Variants in CHL1 observed in about 807,000 individuals in gnomAD.
CHL1 encodes the protein neural cell adhesion molecule L1-like protein.
Under a neutral mutation model 141.9 loss-of-function variants are expected in CHL1, and 96 were observed. That is an observed-to-expected ratio of 0.68 (90% CI 0.57 to 0.80). The LOEUF (loss-of-function observed/expected upper bound fraction) is 0.80. CHL1 is among the 30% of genes least tolerant of loss of function. CHL1 has a pLI of 0.00. For missense variants in CHL1, 1,820 were observed against 1,457.2 expected (o/e 1.25, Z -4.05); for synonymous variants, 613 against 502.2 (o/e 1.22, Z -2.95).
intron 3 of CHL1, among the ~76,000 whole-genome samples, chr3:322,653 T>TATATATATAATTATATATATATATATAAA (rs1559252798): frequency 8.6e-5 from 9 of 104,562 alleles, no homozygotes; most frequent in South Asian, 3.8e-4. Flanking sequence ...AAAATATATA[T>TATATATATAATTATATATATATATATAAA]ATATATATAT....
chr3:233,163 C>T (rs904380439), intron 1 of CHL1, among the ~76,000 whole-genome samples: 5 of 152,128 alleles, frequency 3.3e-5, no homozygotes, highest in African/African-American at 9.7e-5. Flanking sequence ...TGGTCTTTTA[C>T]AAGATAAAGT....
intron 2 of CHL1, among the ~76,000 whole-genome samples, chr3:314,309 TTCTC>T (rs779919756): frequency 1.1e-4 from 11 of 98,206 alleles, no homozygotes; most frequent in Admixed American, 4.7e-4. Context: ...CTCTCTCTCT[TTCTC>T]TCTCTCTCTC....
At position 398,385 on chromosome 3, in the gene CHL1, G is replaced by T; in HGVS notation, c.3253G>T (p.Glu1085Ter). Residue 1085 changes from glutamate to a stop codon, truncating the protein, a stop_gained and splice_region_variant, in exon 25 of 28, where the codon GAA (glutamate) becomes TAA (stop). Coordinates refer to ENST00000256509, the MANE Select transcript of CHL1 (RefSeq NM_006614.4). LOFTEE classifies it high-confidence loss of function. Reference sequence around the variant, plus strand: ...AGATGTAATTGAGACAAGAGGGAGAGGTGAGAAATGAGATTATATTTGGGG... The same window carrying T: ...AGATGTAATTGAGACAAGAGGGAGATGTGAGAAATGAGATTATATTTGGGG... ...FQDVIETRGR[E>*]YAGLYDDIST... 6.3e-7 allele frequency: 1 copy of T among 1,588,866 alleles called. No individual in the cohort carries two copies.
rs555461876 is a variant in CHL1, at chr3:404,194, C to T, written c.3459-1301C>T. Among the ~76,000 whole-genome samples, 67 of 152,218 alleles carry T rather than the reference C, an allele frequency of 4.4e-4. 1 individual carries two copies. In the South Asian group the frequency reaches 0.012, roughly 27 times the overall value. ...GAGCACTGGCTTTAAATCTTTGGCT[C>T]GGAAGAGACACATGTCACCTTTGCT... On this transcript the variant is annotated intron_variant, in intron 27 of 27. Transcript: ENST00000256509.
intron 2 of CHL1, among the ~76,000 whole-genome samples, chr3:298,595 A>G (rs1337938779): frequency 6.6e-6 from 1 of 152,192 alleles, no homozygotes; most frequent in South Asian, 2.1e-4. Context: ...TGAGCATTTG[A>G]TAGATAGGGA....
chr3:209,874 G>T (rs1269725543), intron 1 of CHL1, among the ~76,000 whole-genome samples: 1 of 152,168 alleles, frequency 6.6e-6, no homozygotes, highest in African/African-American at 2.4e-5. Flanking sequence ...ATTTTGTATT[G>T]CCCATTCCAA....
intron 2 of CHL1, among the ~76,000 whole-genome samples, chr3:253,626 A>G (rs1482731930): frequency 6.6e-6 from 1 of 152,206 alleles, no homozygotes; most frequent in Admixed American, 6.6e-5. Context: ...TTTGTCTTCA[A>G]GTTAACATGT....
At chr3:381,804 A>G (rs1707075058) in intron 16 of CHL1, among the ~76,000 whole-genome samples, 1 of 152,132 alleles carries the variant, frequency 6.6e-6, no homozygotes, top group African/African-American at 2.4e-5. Context: ...TGAGGTCTCC[A>G]TGCCAGCAAA....
chr3:344,492 C>T (rs902055153), intron 8 of CHL1, 97 bp from the exon 9 acceptor site: 14 of 824,088 alleles, frequency 1.7e-5, no homozygotes, highest in Admixed American at 2.3e-5. Flanking sequence ...CACACACACT[C>T]GTGTGTCGGA....
intron 25 of CHL1, 148 bp from the exon 26 acceptor site, chr3:398,869 T>C: frequency 3.2e-6 from 2 of 616,678 alleles, no homozygotes; most frequent in South Asian, 5.2e-5. Context: ...CCCATTAACA[T>C]GTCCTTCAAA....
At chr3:387,743 C>T (rs1457307517) in intron 19 of CHL1, among the ~76,000 whole-genome samples, 1 of 152,146 alleles carries the variant, frequency 6.6e-6, no homozygotes, top group Non-Finnish European at 1.5e-5. Context: ...GAATTTATAT[C>T]CATTTCACAC....
Position 312,424 on chromosome 3 carries a change from G to A in CHL1, c.-94-7259G>A, listed in dbSNP as rs114120421. ...TAAAAGCCATTAACAGTTATTTCAG[G>A]ATTACTGTGTTTATGACACTTGTAA... is the stretch of plus-strand genomic sequence containing the variant. On this transcript the variant is annotated intron_variant, in intron 2 of 27. Transcript: ENST00000256509. Among the ~76,000 whole-genome samples, 307 of 152,280 alleles carry A rather than the reference G, an allele frequency of 2.0e-3. 1 individual carries two copies. The highest frequency in any genetic ancestry group is 7.0e-3 in the African/African-American group (290 of 41,562).
intron 5 of CHL1, among the ~76,000 whole-genome samples, chr3:328,790 T>C (rs1265360398): frequency 6.6e-6 from 1 of 152,164 alleles, no homozygotes; most frequent in Non-Finnish European, 1.5e-5. Context: ...CGTCATTCTG[T>C]GGTTGCCTCT....
At chr3:399,595 A>G (rs571332213) in intron 26 of CHL1, among the ~76,000 whole-genome samples, 5 of 152,282 alleles carry the variant, frequency 3.3e-5, no homozygotes, top group Non-Finnish European at 7.4e-5. Flanking sequence ...AGCTGAGATC[A>G]TGCCACTGTA....
At chr3:305,462 A>G (rs1434388810) in intron 2 of CHL1, among the ~76,000 whole-genome samples, 2 of 152,010 alleles carry the variant, frequency 1.3e-5, no homozygotes, top group African/African-American at 4.8e-5. Flanking sequence ...GCCCTATTAT[A>G]ACTTTATAGC....
chr3:290,121 T>C (rs1282732020), intron 2 of CHL1, among the ~76,000 whole-genome samples: 2 of 152,070 alleles, frequency 1.3e-5, no homozygotes, highest in African/African-American at 4.8e-5. Context: ...GGAGCACTTC[T>C]GCATTATTTT....
chr3:339,839 A>C (rs903859216), intron 5 of CHL1, among the ~76,000 whole-genome samples: 2 of 152,224 alleles, frequency 1.3e-5, no homozygotes, highest in Admixed American at 6.5e-5. Flanking sequence ...GTTGTGAATC[A>C]TAATTTAAGA....
intron 1 of CHL1, among the ~76,000 whole-genome samples, chr3:222,891 C>T (rs1406706427): frequency 6.6e-6 from 1 of 151,636 alleles, no homozygotes; most frequent in East Asian, 1.9e-4. Context: ...TTTTTAGTGC[C>T]ATCCTTCATT....
At chr3:350,756 C>T (rs1038233297) in intron 10 of CHL1, among the ~76,000 whole-genome samples, 8 of 152,014 alleles carry the variant, frequency 5.3e-5, no homozygotes, top group South Asian at 2.1e-4. Flanking sequence ...AATAGAAAAC[C>T]GAAGTTGAGA....
Sources: allele counts gnomAD v4.1 joint callset (sites outside exome capture counted in the v4.1 genomes callset), GRCh38; gene constraint gnomAD v4.1.1; transcripts MANE v1.5; gene names NCBI Gene and HGNC (gene_info 2026-07-23, HGNC 2026-07-21).